Variants in MECOM observed in about 807,000 individuals in gnomAD.
The protein encoded by MECOM is histone-lysine N-methyltransferase MECOM.
Under a neutral mutation model 116.3 loss-of-function variants are expected in MECOM, and 13 were observed. The observed-to-expected ratio is 0.11, with a 90% CI of 0.07 to 0.18. The LOEUF (loss-of-function observed/expected upper bound fraction) is 0.18, where lower values mean the gene tolerates loss of function less well. MECOM is among the 10% of genes least tolerant of loss of function. The pLI is 1.00. For synonymous variants in MECOM, 528 were observed against 535.2 expected (o/e 0.99, Z 0.19); for missense variants, 1,299 against 1,509.0 (o/e 0.86, Z 2.31).
At chr3:169,098,866 T>G (rs1315547592) in intron 12 of MECOM, among the ~76,000 whole-genome samples, 1 of 152,076 alleles carries the variant, frequency 6.6e-6, no homozygotes, top group African/African-American at 2.4e-5. Context: ...CTAGATTTAT[T>G]AAAAGGTTGC....
intron 1 of MECOM, among the ~76,000 whole-genome samples, chr3:169,489,176 G>T (rs114540312): frequency 6.6e-6 from 1 of 151,988 alleles, no homozygotes; most frequent in Non-Finnish European, 1.5e-5. Flanking sequence ...TGAAATTGAC[G>T]CATAAATAAA....
chr3:169,124,576 T>C (rs943712395), intron 5 of MECOM, among the ~76,000 whole-genome samples: 1 of 152,032 alleles, frequency 6.6e-6, no homozygotes, highest in Non-Finnish European at 1.5e-5. Flanking sequence ...TTATTTTTAA[T>C]GTGGTATTGA....
chr3:169,168,732 G>A (rs939284584), intron 2 of MECOM, among the ~76,000 whole-genome samples: 1 of 151,862 alleles, frequency 6.6e-6, no homozygotes, highest in South Asian at 2.1e-4. Context: ...TTTCATTGAG[G>A]GAACTCTTCT....
intron 2 of MECOM, among the ~76,000 whole-genome samples, chr3:169,311,669 T>C (rs1718789880): frequency 7.1e-6 from 1 of 140,300 alleles, no homozygotes; most frequent in African/African-American, 2.6e-5. Context: ...AAAGTGTTTC[T>C]TTTACATTTT....
chr3:169,268,901 T>A (rs1758609814), intron 2 of MECOM, among the ~76,000 whole-genome samples: 2 of 152,086 alleles, frequency 1.3e-5, no homozygotes, highest in Non-Finnish European at 2.9e-5. Flanking sequence ...GGAGAGGGAA[T>A]TGAGGGGTGG....
At chr3:169,496,215 T>C (rs1442256602) in intron 1 of MECOM, among the ~76,000 whole-genome samples, 1 of 152,248 alleles carries the variant, frequency 6.6e-6, no homozygotes, top group Admixed American at 6.5e-5. Flanking sequence ...AGGAGTTCAC[T>C]GGAATTCAGT....
At chr3:169,452,253 T>G (rs1745737887) in intron 1 of MECOM, among the ~76,000 whole-genome samples, 1 of 151,972 alleles carries the variant, frequency 6.6e-6, no homozygotes, top group South Asian at 2.1e-4. Flanking sequence ...AGGTCAAGCT[T>G]GAGACTGCTT....
intron 1 of MECOM, among the ~76,000 whole-genome samples, chr3:169,498,725 T>A (rs1004356296): frequency 6.6e-6 from 1 of 151,708 alleles, no homozygotes; most frequent in Non-Finnish European, 1.5e-5. Flanking sequence ...CACAAGAAAA[T>A]CAGCACTGTA....
intron 2 of MECOM, among the ~76,000 whole-genome samples, chr3:169,328,019 G>A (rs1047299515): frequency 2.6e-5 from 4 of 152,106 alleles, no homozygotes; most frequent in Admixed American, 6.6e-5. Flanking sequence ...ACAGCACATC[G>A]ACTATCATTT....
intron 1 of MECOM, chr3:169,484,201 C>T: frequency 1.7e-6 from 1 of 592,058 alleles, no homozygotes; most frequent in Non-Finnish European, 3.0e-6. Flanking sequence ...TATTGATGAG[C>T]TTTGTAAATA....
intron 1 of MECOM, among the ~76,000 whole-genome samples, chr3:169,421,485 C>T (rs13318214): frequency 0.051 from 7,722 of 152,104 alleles, 258 homozygotes; most frequent in African/African-American, 0.089. Context: ...AGATCTAATT[C>T]TTGCCAGCTT....
At position 169,553,777 on chromosome 3, in the gene MECOM, T is replaced by C. The variant is rs141313908; in HGVS notation, c.37+109559A>G. Reference sequence around the variant, plus strand: ...CTCTGTGTCCTCATGTGGTCTATTCTCTGTGTGTACACACATCTCTGGTGT... The same window carrying C: ...CTCTGTGTCCTCATGTGGTCTATTCCCTGTGTGTACACACATCTCTGGTGT... On this transcript the variant is annotated intron_variant, in intron 1 of 16. Coordinates refer to ENST00000651503, the MANE Select transcript of MECOM (RefSeq NM_004991.4). Among the ~76,000 whole-genome samples, 595 of 152,372 alleles carry C rather than the reference T, an allele frequency of 3.9e-3. 3 individuals carry two copies. The highest frequency in any genetic ancestry group is 6.1e-3 in the Non-Finnish European group (413 of 68,040).
intron 1 of MECOM, among the ~76,000 whole-genome samples, chr3:169,585,171 G>A (rs1765640127): frequency 6.6e-6 from 1 of 152,198 alleles, no homozygotes; most frequent in Admixed American, 6.5e-5. Context: ...ATGACCATCT[G>A]TCTTAAATGG....
chr3:169,147,048 G>T, intron 2 of MECOM: 1 of 991,228 alleles, frequency 1.0e-6, no homozygotes, highest in Middle Eastern at 5.2e-4. Context: ...CGGGTTTGGT[G>T]TGTTTTGGCT....
At chr3:169,344,204 T>C (rs2149795040) in intron 2 of MECOM, among the ~76,000 whole-genome samples, 1 of 152,276 alleles carries the variant, frequency 6.6e-6, no homozygotes, top group Admixed American at 6.5e-5. Context: ...TGTGTATGGA[T>C]GTGTGTCTAT....
intron 2 of MECOM, among the ~76,000 whole-genome samples, chr3:169,378,508 A>C (rs1225534926): frequency 4.1e-4 from 12 of 29,032 alleles, no homozygotes; most frequent in Admixed American, 2.0e-3. Flanking sequence ...AAAGAAAGAA[A>C]GAAAGAAAAG....
intron 1 of MECOM, among the ~76,000 whole-genome samples, chr3:169,639,606 A>C (rs915759125): frequency 6.6e-6 from 1 of 152,210 alleles, no homozygotes; most frequent in Non-Finnish European, 1.5e-5. Context: ...AGCCAGTTTA[A>C]ATTTGGTTTT....
chr3:169,576,055 G>A (rs1290277622), intron 1 of MECOM, among the ~76,000 whole-genome samples: 1 of 152,132 alleles, frequency 6.6e-6, no homozygotes, highest in Non-Finnish European at 1.5e-5. Flanking sequence ...CAGTGATGCA[G>A]GGTAGGAGAT....
intron 2 of MECOM, among the ~76,000 whole-genome samples, chr3:169,328,415 G>A (rs578164140): frequency 1.3e-4 from 20 of 152,248 alleles, no homozygotes; most frequent in Non-Finnish European, 2.4e-4. Flanking sequence ...CTTGCTCAGT[G>A]CAAAGTAACG....
Sources: allele counts gnomAD v4.1 joint callset (sites outside exome capture counted in the v4.1 genomes callset), GRCh38; gene constraint gnomAD v4.1.1; transcripts MANE v1.5; gene names NCBI Gene and HGNC (gene_info 2026-07-23, HGNC 2026-07-21).